SLC39A11: variants seen among roughly 807,000 people sequenced by gnomAD.
SLC39A11 encodes the protein solute carrier family 39 member 11.
In SLC39A11, 33 loss-of-function variants were observed where a neutral mutation model predicts 36.1. The observed-to-expected ratio is 0.91, with a 90% CI of 0.69 to 1.22. SLC39A11 has a LOEUF of 1.22. Among genes scored for constraint, SLC39A11 ranks in the 50% most tolerant of loss-of-function variants. SLC39A11 has a pLI of 0.00. For synonymous variants in SLC39A11, 166 were observed against 170.3 expected, an observed-to-expected ratio of 0.97 and a Z score of 0.20; for missense variants, 432 against 430.3, an observed-to-expected ratio of 1.00 and a Z score of -0.03.
intron 3 of SLC39A11, among the ~76,000 whole-genome samples, chr17:73,059,495 T>C (rs2059771818): frequency 6.6e-6 from 1 of 151,658 alleles, no homozygotes; most frequent in Non-Finnish European, 1.5e-5. Context: ...GGTGAACCCC[T>C]GTCTCCACAA....
At chr17:73,085,816 A>G (rs1175995775) in intron 2 of SLC39A11, among the ~76,000 whole-genome samples, 1 of 152,144 alleles carries the variant, frequency 6.6e-6, no homozygotes, top group Non-Finnish European at 1.5e-5. Flanking sequence ...AATGTTCGGC[A>G]GTGCTAAGAG....
At chr17:73,056,129 G>A (rs1276247443) in intron 3 of SLC39A11, among the ~76,000 whole-genome samples, 8 of 152,008 alleles carry the variant, frequency 5.3e-5, no homozygotes, top group South Asian at 4.1e-4. Context: ...ACAGAGCCCC[G>A]AGGGTGGTGA....
At chr17:72,957,796 G>A (rs537768775) in intron 4 of SLC39A11, among the ~76,000 whole-genome samples, 3 of 149,394 alleles carry the variant, frequency 2.0e-5, no homozygotes, top group Non-Finnish European at 4.5e-5. Context: ...TCCAGCCTGG[G>A]CGACAAAGGG....
chr17:73,010,353 T>C (rs1223675606), intron 4 of SLC39A11, among the ~76,000 whole-genome samples: 4 of 152,182 alleles, frequency 2.6e-5, no homozygotes, highest in Non-Finnish European at 5.9e-5. Flanking sequence ...TCTTTTGCAA[T>C]AGGAGAAGAC....
intron 6 of SLC39A11, among the ~76,000 whole-genome samples, chr17:72,845,886 C>T (rs2079024267): frequency 6.6e-6 from 1 of 152,108 alleles, no homozygotes; most frequent in South Asian, 2.1e-4. Context: ...CTGGAAGGCA[C>T]TCAATCCTCA....
At chr17:73,007,894 G>A (rs561769915) in intron 4 of SLC39A11, among the ~76,000 whole-genome samples, 58 of 152,314 alleles carry the variant, frequency 3.8e-4, no homozygotes, top group Middle Eastern at 6.8e-3. Flanking sequence ...CCTGAGGTCA[G>A]GAGTTCGAGA....
intron 3 of SLC39A11, chr17:73,067,965 C>A: frequency 6.3e-7 from 1 of 1,594,806 alleles, no homozygotes; most frequent in South Asian, 1.1e-5. Flanking sequence ...GGGGAAGGAG[C>A]AAAGGACTGA....
intron 7 of SLC39A11, among the ~76,000 whole-genome samples, chr17:72,722,157 G>C (rs1395060703): frequency 6.6e-6 from 1 of 151,854 alleles, no homozygotes; most frequent in Non-Finnish European, 1.5e-5. Flanking sequence ...TTCTCTTTTG[G>C]GATAATACTT....
chr17:72,691,751 C>T (rs1389785540), intron 7 of SLC39A11, among the ~76,000 whole-genome samples: 1 of 152,142 alleles, frequency 6.6e-6, no homozygotes, highest in Non-Finnish European at 1.5e-5. Context: ...GCGTAGATGA[C>T]TTTCATTTGG....
rs150954685 is a variant in SLC39A11, at chr17:73,042,296, G to C, written c.148-10582C>G. ...GCACATAGCTCACTTACAATGCACT[G>C]AATGTGTCAACTCTTCACACCTCTA... On this transcript the variant is annotated intron_variant, in intron 3 of 9. Coordinates refer to ENST00000255559, the MANE Select transcript of SLC39A11 (RefSeq NM_139177.4). Among the ~76,000 whole-genome samples the C allele has an allele frequency of 1.6e-3, 244 of 152,312 alleles. 1 individual carries two copies. Among genetic ancestry groups the C allele is most frequent in the Admixed American group, 2.9e-3 (44 of 15,294 alleles).
chr17:72,936,106 G>A (rs753251190), intron 5 of SLC39A11, among the ~76,000 whole-genome samples: 22 of 152,196 alleles, frequency 1.4e-4, no homozygotes, highest in Middle Eastern at 3.4e-3. Flanking sequence ...ACTGAGGCAC[G>A]GAAATCATTT....
Position 72,988,565 on chromosome 17 carries a change from T to A in SLC39A11, c.307-40690A>T, listed in dbSNP as rs186401117. On this transcript the variant is annotated intron_variant, in intron 4 of 9. Coordinates refer to ENST00000255559, the MANE Select transcript of SLC39A11 (RefSeq NM_139177.4). ...TAGGTCTTACTCATTCTTATTCCAC[T>A]TTTTTTTTTACTTTTTCATGTTGCA... is the stretch of plus-strand genomic sequence containing the variant. 8.2e-5 allele frequency among the ~76,000 whole-genome samples: 12 copies of A among 145,600 alleles called. No individual in the cohort carries two copies. In the East Asian group the frequency reaches 2.1e-3, roughly 26 times the overall value.
At chr17:72,741,336 C>T (rs2074691291) in intron 6 of SLC39A11, among the ~76,000 whole-genome samples, 1 of 152,218 alleles carries the variant, frequency 6.6e-6, no homozygotes, top group African/African-American at 2.4e-5. Context: ...AGAATACAGG[C>T]TAACACTGCA....
chr17:72,932,292 T>TTATTATTATTATTATTATTA (rs2084446487), intron 5 of SLC39A11, among the ~76,000 whole-genome samples: 1 of 144,372 alleles, frequency 6.9e-6, no homozygotes, highest in African/African-American at 2.8e-5. Context: ...GACCTGTTCT[T>TTATTATTATTATTATTATTA]TTATTATTAT....
At chr17:72,780,004 T>C (rs1354342064) in intron 6 of SLC39A11, among the ~76,000 whole-genome samples, 1 of 152,202 alleles carries the variant, frequency 6.6e-6, no homozygotes, top group Non-Finnish European at 1.5e-5. Flanking sequence ...GAGGCCCACA[T>C]ATAAGGCCTG....
chr17:73,015,857 C>G (rs574649024), intron 4 of SLC39A11, among the ~76,000 whole-genome samples: 1 of 152,304 alleles, frequency 6.6e-6, no homozygotes, highest in South Asian at 2.1e-4. Context: ...GCTGGGATTA[C>G]AGGTGTGAGC....
At chr17:72,793,061 G>A (rs1169031941) in intron 6 of SLC39A11, among the ~76,000 whole-genome samples, 1 of 152,176 alleles carries the variant, frequency 6.6e-6, no homozygotes, top group Non-Finnish European at 1.5e-5. Context: ...TTCCCAAGGT[G>A]TTTGGACTGC....
At position 72,910,926 on chromosome 17, in the gene SLC39A11, CAAAAA is replaced by C. The variant is rs199741291; in HGVS notation, c.430+36821_430+36825del. On this transcript the variant is annotated intron_variant, in intron 5 of 9. Coordinates refer to ENST00000255559, the MANE Select transcript of SLC39A11 (RefSeq NM_139177.4). ...TGGGCAACAGAGCAAGACTCCACCTCAAAAAAAAAAAAAAAAAAAAAAGAGTGTTC... is the reference window on the plus strand; with the variant it reads ...TGGGCAACAGAGCAAGACTCCACCTCAAAAAAAAAAAAAAAAAGAGTGTTC... Among the ~76,000 whole-genome samples, 72 of 111,984 alleles carry C rather than the reference CAAAAA, an allele frequency of 6.4e-4. No homozygotes were observed. In the East Asian group the frequency reaches 7.3e-3, roughly 11 times the overall value. The allele number at this position is 111,984 out of a possible 152,430, so 73.5% of individuals were successfully genotyped here. A position where few individuals can be genotyped will look rare whatever the true frequency, so the allele number is the denominator to read the frequency against.
chr17:72,814,260 T>C (rs2077516581), intron 6 of SLC39A11, among the ~76,000 whole-genome samples: 1 of 152,202 alleles, frequency 6.6e-6, no homozygotes, highest in Non-Finnish European at 1.5e-5. Flanking sequence ...AGGACAGTGT[T>C]ACTCTACTGA....
Sources: allele counts gnomAD v4.1 joint callset (sites outside exome capture counted in the v4.1 genomes callset), GRCh38; gene constraint gnomAD v4.1.1; transcripts MANE v1.5; gene names NCBI Gene and HGNC (gene_info 2026-07-23, HGNC 2026-07-21).